Variants in MYL1 observed in about 807,000 individuals in gnomAD.
MYL1 encodes the protein myosin light chain 1/3, skeletal muscle isoform.
Under a neutral mutation model 21.8 loss-of-function variants are expected in MYL1, and 16 were observed. That is an observed-to-expected ratio of 0.74 (90% CI 0.50 to 1.12). The LOEUF is 1.12. Among genes scored for constraint, MYL1 ranks in the 50% most tolerant of loss-of-function variants. The probability of loss-of-function intolerance (pLI) is 0.00; values close to 1 mark genes in which losing one functional copy is unlikely to be tolerated. For synonymous variants in MYL1, 99 were observed against 85.2 expected, an observed-to-expected ratio of 1.16 and a Z score of -0.89; for missense variants, 246 against 241.0, an observed-to-expected ratio of 1.02 and a Z score of -0.14.
intron 3 of MYL1, among the ~76,000 whole-genome samples, chr2:210,296,037 G>T (rs1690169275): frequency 6.6e-6 from 1 of 152,056 alleles, no homozygotes; most frequent in Non-Finnish European, 1.5e-5. Flanking sequence ...CAACTGTCAA[G>T]GGAAAGAAAA....
At chr2:210,302,464 A>G in intron 2 of MYL1, 24 bp downstream of exon 2, 1 of 1,602,480 alleles carries the variant, frequency 6.2e-7, no homozygotes, top group Non-Finnish European at 8.5e-7. Flanking sequence ...GTGCACATTT[A>G]AGAACCATAG....
chr2:210,294,462 C>T (rs777485853), intron 3 of MYL1, 44 bp from the exon 4 acceptor site: 3 of 1,548,436 alleles, frequency 1.9e-6, no homozygotes, highest in Non-Finnish European at 2.6e-6. Context: ...TACCATAATA[C>T]TAACTCTGAG....
At chr2:210,292,964 C>T (rs114371484) in intron 5 of MYL1, among the ~76,000 whole-genome samples, 214 of 152,216 alleles carry the variant, frequency 1.4e-3, no homozygotes, top group Non-Finnish European at 2.5e-3. Context: ...ATATGCTTGG[C>T]TAAGCCCTTT....
intron 3 of MYL1, 50 bp from the exon 4 acceptor site, chr2:210,294,468 C>A: frequency 6.6e-7 from 1 of 1,516,002 alleles, no homozygotes. Context: ...AATACTAACT[C>A]TGAGTCACAA....
At chr2:210,310,313 G>A (rs935838996) in intron 1 of MYL1, among the ~76,000 whole-genome samples, 2 of 152,002 alleles carry the variant, frequency 1.3e-5, no homozygotes, top group Non-Finnish European at 2.9e-5. Flanking sequence ...TTAGGGTTAA[G>A]GTTTTATCAT....
In MYL1 at chr2:210,294,486, T is replaced by C. The variant is rs1161568566; in HGVS notation, c.305-68A>G. 2.8e-6 allele frequency: 4 copies of C among 1,447,444 alleles called. No homozygotes were observed. In the Admixed American group the frequency reaches 6.0e-5, roughly 22 times the overall value. 89.7% of individuals were successfully genotyped at this position (1,447,444 alleles called of 1,614,324 possible). A position where few individuals can be genotyped will look rare whatever the true frequency, so the allele number is the denominator to read the frequency against. ...ACTAACTCTGAGTCACAATTTAAAC[T>C]TGAAAAGTTATTCTAGGTTATCTGA... is the stretch of plus-strand genomic sequence containing the variant. On this transcript the variant is annotated intron_variant, in intron 3 of 6. Transcript: ENST00000352451.
rs1690145928 is a variant in MYL1 at position 210,294,656 on chromosome 2, TA to T, written c.305-239del. On this transcript the variant is annotated intron_variant, in intron 3 of 6. Transcript: ENST00000352451. ...TTTGCAACTCTGACAGTGCTCTAGT[TA>T]ACCTTTTTGTGCCTCAAGTTATCAT... Among the ~76,000 whole-genome samples the T allele has an allele frequency of 6.6e-5, 10 of 152,310 alleles. No individual in the cohort carries two copies. In the South Asian group the frequency reaches 2.1e-3, roughly 32 times the overall value.
rs780076132 is a variant in MYL1 at position 210,315,058 on chromosome 2, G to C, written c.-16C>G. On this transcript the variant is annotated 5_prime_UTR_variant, in exon 1 of 7. Coordinates refer to ENST00000352451, the MANE Select transcript of MYL1 (RefSeq NM_079420.3). ...TTGGTGCCATTTTTTTTTTTAAAAG[G>C]GTGGGTTAAAAAGAGAAGGAGTTCC... 1.1e-5 allele frequency: 17 copies of C among 1,593,620 alleles called. No homozygotes were observed. Among genetic ancestry groups the C allele is most frequent in the South Asian group, 9.3e-5 (8 of 86,440 alleles).
intron 1 of MYL1, among the ~76,000 whole-genome samples, chr2:210,311,843 T>C (rs142339279): frequency 6.6e-6 from 1 of 152,100 alleles, no homozygotes; most frequent in African/African-American, 2.4e-5. Flanking sequence ...AGGCAAAGAG[T>C]GCTTAGAACC....
chr2:210,309,220 GA>G (rs1255732114), intron 1 of MYL1, among the ~76,000 whole-genome samples: 2 of 151,942 alleles, frequency 1.3e-5, no homozygotes, highest in Non-Finnish European at 2.9e-5. Context: ...ATTTTAATGG[GA>G]AAGGAAGGAT....
chr2:210,291,178 A>G (rs1559658234), intron 5 of MYL1, 104 bp from the exon 6 acceptor site: 1 of 878,640 alleles, frequency 1.1e-6, no homozygotes, highest in Admixed American at 2.2e-5. Context: ...TTTTAGCTGT[A>G]ACAATAGTTT....
intron 1 of MYL1, among the ~76,000 whole-genome samples, chr2:210,312,781 C>T (rs1690434633): frequency 6.6e-6 from 1 of 151,474 alleles, no homozygotes. Context: ...ATTTGTGTCC[C>T]TTACTAGAAT....
At chr2:210,292,353 G>A (rs1340601044) in intron 5 of MYL1, among the ~76,000 whole-genome samples, 1 of 152,070 alleles carries the variant, frequency 6.6e-6, no homozygotes, top group African/African-American at 2.4e-5. Flanking sequence ...ATTTACAGGC[G>A]TGAGCCACCA....
intron 1 of MYL1, 99 bp downstream of exon 1, chr2:210,314,812 C>T (rs564484619): frequency 3.1e-6 from 4 of 1,304,936 alleles, no homozygotes; most frequent in South Asian, 1.3e-5. Flanking sequence ...CTAAATAATG[C>T]TATTCCTCTC....
chr2:210,304,993 A>C (rs1690318733), intron 1 of MYL1, among the ~76,000 whole-genome samples: 1 of 152,254 alleles, frequency 6.6e-6, no homozygotes, highest in Non-Finnish European at 1.5e-5. Context: ...TAAAGTTCAC[A>C]CAAAATATTT....
intron 3 of MYL1, among the ~76,000 whole-genome samples, chr2:210,297,145 A>G (rs192770597): frequency 1.3e-5 from 2 of 151,546 alleles, no homozygotes; most frequent in South Asian, 2.1e-4. Context: ...GAGAATACAG[A>G]CTTTTTTTGA....
At chr2:210,300,917 T>C (rs952180556) in intron 2 of MYL1, among the ~76,000 whole-genome samples, 1 of 152,148 alleles carries the variant, frequency 6.6e-6, no homozygotes, top group Non-Finnish European at 1.5e-5. Flanking sequence ...TAAGAAACTA[T>C]AGTTTTTCCA....
At position 210,294,227 on chromosome 2, in the gene MYL1, T is replaced by C. The variant is rs752709381; in HGVS notation, c.478+18A>G. ...ATATATTCTGTCTCACTAAGTCCAC[T>C]GAAATAAATTCCCTTACCCAGGGTG... On this transcript the variant is annotated intron_variant, in intron 4 of 6. Coordinates refer to ENST00000352451, the MANE Select transcript of MYL1 (RefSeq NM_079420.3). 5.0e-6 allele frequency: 8 copies of C among 1,597,038 alleles called. No homozygotes were observed. Among genetic ancestry groups the C allele is most frequent in the Middle Eastern group, 1.7e-4 (1 of 5,964 alleles).
At chr2:210,311,714 A>G (rs920041066) in intron 1 of MYL1, among the ~76,000 whole-genome samples, 5 of 152,020 alleles carry the variant, frequency 3.3e-5, no homozygotes, top group Non-Finnish European at 5.9e-5. Context: ...GTTTTGAGCA[A>G]TGCATATTCT....
Sources: gnomAD v4.1 joint callset for allele counts (sites outside exome capture counted in the v4.1 genomes callset) on GRCh38, gnomAD v4.1.1 for gene constraint, MANE v1.5 for transcripts, NCBI Gene and HGNC (gene_info 2026-07-23, HGNC 2026-07-21) for gene names.